IGSF11: variants seen among roughly 807,000 people sequenced by gnomAD.
The protein encoded by IGSF11 is immunoglobulin superfamily member 11.
IGSF11 carries 22 observed loss-of-function variants against 41.0 expected under a neutral mutation model. The observed-to-expected ratio is 0.54, with a 90% CI of 0.38 to 0.77. The LOEUF is 0.77. Ranked by LOEUF, IGSF11 falls within the 30% of genes least tolerant of loss-of-function variation. IGSF11 has a pLI of 0.00. For synonymous variants in IGSF11, 219 were observed against 201.3 expected (o/e 1.09, Z -0.74); for missense variants, 444 against 530.8 (o/e 0.84, Z 1.61).
intron 1 of IGSF11, among the ~76,000 whole-genome samples, chr3:118,949,689 C>A (rs1423368270): frequency 6.6e-6 from 1 of 152,126 alleles, no homozygotes; most frequent in African/African-American, 2.4e-5. Flanking sequence ...ATTTTACACA[C>A]AAAATAAGGA....
At chr3:119,076,730 T>G (rs1040407315) in intron 1 of IGSF11, among the ~76,000 whole-genome samples, 2 of 152,062 alleles carry the variant, frequency 1.3e-5, no homozygotes, top group African/African-American at 4.8e-5. Flanking sequence ...TCACACCAGT[T>G]AGAATGGCGA....
intron 1 of IGSF11, among the ~76,000 whole-genome samples, chr3:119,068,163 G>C (rs1444542668): frequency 6.6e-6 from 1 of 152,184 alleles, no homozygotes; most frequent in Non-Finnish European, 1.5e-5. Flanking sequence ...GCTGGAGAAA[G>C]GAGACCGTCC....
At chr3:118,996,597 T>G (rs566891596) in intron 1 of IGSF11, among the ~76,000 whole-genome samples, 1 of 152,040 alleles carries the variant, frequency 6.6e-6, no homozygotes, top group Non-Finnish European at 1.5e-5. Flanking sequence ...GTCTTGTTTT[T>G]TTTTTGTTTT....
chr3:119,130,232 G>C (rs551432422), intron 1 of IGSF11, among the ~76,000 whole-genome samples: 2 of 152,252 alleles, frequency 1.3e-5, no homozygotes, highest in Admixed American at 1.3e-4. Flanking sequence ...CCCACAGAGG[G>C]TGAGCCAAAG....
At chr3:119,080,432 T>C (rs1436025542) in intron 1 of IGSF11, among the ~76,000 whole-genome samples, 2 of 152,142 alleles carry the variant, frequency 1.3e-5, no homozygotes, top group Non-Finnish European at 2.9e-5. Flanking sequence ...AATATGACAG[T>C]GTGCAAAAAA....
chr3:118,912,230 G>A (rs1283461167), intron 4 of IGSF11, among the ~76,000 whole-genome samples: 1 of 152,162 alleles, frequency 6.6e-6, no homozygotes, highest in Non-Finnish European at 1.5e-5. Context: ...TCAGAAGGGA[G>A]GTGTTTTTTT....
intron 1 of IGSF11, among the ~76,000 whole-genome samples, chr3:119,061,319 A>T (rs181683901): frequency 2.6e-4 from 39 of 152,276 alleles, no homozygotes; most frequent in Middle Eastern, 3.4e-3. Context: ...TCACAGGTAT[A>T]ACTTAACAGT....
intron 1 of IGSF11, among the ~76,000 whole-genome samples, chr3:119,093,180 C>A (rs2917080): frequency 0.42 from 63,852 of 151,896 alleles, 14,283 homozygotes; most frequent in Non-Finnish European, 0.51. Context: ...CAATGCACAC[C>A]CTGTGTTAAC....
At chr3:119,050,279 C>A (rs1247984504) in intron 1 of IGSF11, among the ~76,000 whole-genome samples, 1 of 151,132 alleles carries the variant, frequency 6.6e-6, no homozygotes, top group African/African-American at 2.4e-5. Context: ...CCAGAACCTA[C>A]AATGAACTCA....
Position 119,029,275 on chromosome 3 carries a change from C to CACACACACA in IGSF11, c.52+5255_52+5256insTGTGTGTGT, listed in dbSNP as rs1553716797. Among the ~76,000 whole-genome samples the CACACACACA allele has an allele frequency of 2.1e-3, 302 of 145,514 alleles. 2 individuals are homozygous for CACACACACA. The highest frequency in any genetic ancestry group is 1.0e-3 in the Non-Finnish European group (68 of 66,160). ...ACACACACACACACACACACACACA[C>CACACACACA]CCGAGAGAGAGAGAGAATGCGAGAG... On this transcript the variant is annotated intron_variant, in intron 1 of 6. Coordinates refer to ENST00000393775, the MANE Select transcript of IGSF11 (RefSeq NM_001015887.3).
chr3:119,092,947 G>C (rs1251721658), intron 1 of IGSF11, among the ~76,000 whole-genome samples: 1 of 152,182 alleles, frequency 6.6e-6, no homozygotes, highest in East Asian at 1.9e-4. Flanking sequence ...ATCTAGGTTT[G>C]TGTGAGCATA....
At chr3:118,967,145 G>A (rs904346934) in intron 1 of IGSF11, among the ~76,000 whole-genome samples, 2 of 151,888 alleles carry the variant, frequency 1.3e-5, no homozygotes, top group Non-Finnish European at 2.9e-5. Context: ...AATAAACTCA[G>A]CTTCAAGAAT....
intron 1 of IGSF11, chr3:118,946,058 C>T (rs1944104379): frequency 1.3e-5 from 2 of 151,940 alleles, no homozygotes; most frequent in African/African-American, 4.8e-5. Flanking sequence ...TATTTCTGTC[C>T]CAGATACAGA....
At chr3:119,118,185 G>A (rs1233005158) in intron 1 of IGSF11, among the ~76,000 whole-genome samples, 1 of 152,218 alleles carries the variant, frequency 6.6e-6, no homozygotes, top group Non-Finnish European at 1.5e-5. Flanking sequence ...CTGTGTGGAG[G>A]CTCTGACCCC....
At chr3:119,081,774 A>T (rs942690208) in intron 1 of IGSF11, among the ~76,000 whole-genome samples, 2 of 152,202 alleles carry the variant, frequency 1.3e-5, no homozygotes, top group Non-Finnish European at 2.9e-5. Flanking sequence ...AGGAAGATTT[A>T]AATCTTATTC....
At chr3:118,979,753 T>C (rs138591608) in intron 1 of IGSF11, among the ~76,000 whole-genome samples, 174 of 152,266 alleles carry the variant, frequency 1.1e-3, no homozygotes, top group African/African-American at 4.1e-3. Context: ...AATTTCTTGA[T>C]TGGAATAAAA....
In IGSF11 at chr3:119,112,473, C is replaced by A. The variant is rs1230881958; in HGVS notation, c.-13-7268G>T. ...AAGCGCAGTATTTGGGTGGGAGTGACCCGATTTTCCAGGTGCCGTCTGTCA... is the reference window on the plus strand; with the variant it reads ...AAGCGCAGTATTTGGGTGGGAGTGAACCGATTTTCCAGGTGCCGTCTGTCA... On this transcript the variant is annotated intron_variant, in intron 1 of 7. Coordinates refer to the IGSF11 transcript ENST00000425327. 3.9e-5 allele frequency among the ~76,000 whole-genome samples: 6 copies of A among 152,134 alleles called. No homozygotes were observed. In the South Asian group the frequency reaches 1.0e-3, roughly 26 times the overall value.
intron 1 of IGSF11, among the ~76,000 whole-genome samples, chr3:118,950,224 G>A (rs1482484327): frequency 1.3e-5 from 2 of 152,054 alleles, no homozygotes; most frequent in African/African-American, 4.8e-5. Context: ...AATGGCAAAA[G>A]AGAAACAATC....
chr3:118,935,612 A>C (rs144729533), intron 1 of IGSF11, among the ~76,000 whole-genome samples: 70 of 151,912 alleles, frequency 4.6e-4, no homozygotes, highest in African/African-American at 1.7e-3. Flanking sequence ...TGTGGAGAGA[A>C]CTTTTAAATT....
Sources: allele counts gnomAD v4.1 joint callset (sites outside exome capture counted in the v4.1 genomes callset), GRCh38; gene constraint gnomAD v4.1.1; transcripts MANE v1.5; gene names NCBI Gene and HGNC (gene_info 2026-07-23, HGNC 2026-07-21).